The following TENM2 variants were observed in gnomAD, a reference collection of about 807,000 sequenced individuals.
The protein encoded by TENM2 is teneurin-2.
A neutral mutation model predicts 245.2 loss-of-function variants in TENM2; 52 were observed. The ratio of observed to expected loss-of-function variants is 0.21; its 90% CI spans 0.17 to 0.27. TENM2 has a LOEUF of 0.27. TENM2 is among the 10% of genes least tolerant of loss of function. The pLI is 1.00. For synonymous variants in TENM2, 1,363 were observed against 1,438.9 expected (o/e 0.95, Z 1.19); for missense variants, 3,046 against 3,666.8 (o/e 0.83, Z 4.37).
At chr5:167,272,763 A>G in the TENM2 span, among the ~76,000 whole-genome samples, 5 of 152,292 alleles carry the variant, frequency 3.3e-5, no homozygotes, top group African/African-American at 7.2e-5. Flanking sequence ...TACATCCTAA[A>G]GGTGCACAGT....
chr5:167,344,331 G>GATAT (rs60730616), intron 1 of TENM2, among the ~76,000 whole-genome samples: 9,508 of 102,430 alleles, frequency 0.093, 839 homozygotes, highest in Admixed American at 0.29. Context: ...TATATATATA[G>GATAT]ATATATTGCA....
At chr5:167,608,673 T>C (rs1233393154) in intron 2 of TENM2, among the ~76,000 whole-genome samples, 3 of 152,194 alleles carry the variant, frequency 2.0e-5, no homozygotes, top group Non-Finnish European at 4.4e-5. Context: ...GTAAGAGCGC[T>C]ACCTGTCATA....
chr5:167,150,888 A>G, the TENM2 span, among the ~76,000 whole-genome samples: 3 of 152,220 alleles, frequency 2.0e-5, no homozygotes, highest in Non-Finnish European at 4.4e-5. Context: ...CAAGAAAATG[A>G]TGGAGTGAGC....
chr5:167,432,432 A>G (rs929977258), intron 2 of TENM2, among the ~76,000 whole-genome samples: 1 of 151,856 alleles, frequency 6.6e-6, no homozygotes, highest in South Asian at 2.1e-4. Context: ...TCACAGTCAC[A>G]GAGTGAATCA....
intron 1 of TENM2, among the ~76,000 whole-genome samples, chr5:167,373,709 G>A (rs773316797): frequency 6.6e-6 from 1 of 152,228 alleles, no homozygotes; most frequent in South Asian, 2.1e-4. Flanking sequence ...AGCAGCACAA[G>A]TTGGGAGTCT....
chr5:167,104,230 C>T, the TENM2 span, among the ~76,000 whole-genome samples: 3 of 151,788 alleles, frequency 2.0e-5, no homozygotes, highest in South Asian at 2.1e-4. Context: ...TGCTACTTGG[C>T]GGGTACTCAT....
chr5:167,897,104 T>C (rs1775285216), intron 3 of TENM2, among the ~76,000 whole-genome samples: 1 of 152,212 alleles, frequency 6.6e-6, no homozygotes, highest in African/African-American at 2.4e-5. Flanking sequence ...AGAAGCCCTG[T>C]TCCATTCTCC....
chr5:167,123,732 G>T, the TENM2 span, among the ~76,000 whole-genome samples: 2 of 152,068 alleles, frequency 1.3e-5, no homozygotes, highest in Non-Finnish European at 2.9e-5. Flanking sequence ...CTCCTCAAAA[G>T]TAGATAAATG....
In TENM2 at chr5:167,391,363, C is replaced by T. The variant is rs1050603148; in HGVS notation, c.502+15890C>T. Among the ~76,000 whole-genome samples, 4 of 152,064 alleles carry T rather than the reference C, an allele frequency of 2.6e-5. No homozygotes were observed. The South Asian group carries it at 6.2e-4, about 24-fold the overall frequency. On this transcript the variant is annotated intron_variant, in intron 2 of 28. Transcript: ENST00000518659. ...GCTCTTGGGTGGGCATAGTGGCTCA[C>T]GTGTGTAATCCCAGCATTTTGGGAG...
chr5:168,235,189 A>G (rs1765316576), intron 25 of TENM2, among the ~76,000 whole-genome samples: 1 of 152,172 alleles, frequency 6.6e-6, no homozygotes, highest in African/African-American at 2.4e-5. Flanking sequence ...TCACGTGACT[A>G]ATATTTTATA....
At chr5:167,596,427 T>C in intron 2 of TENM2, among the ~76,000 whole-genome samples, 1 of 152,136 alleles carries the variant, frequency 6.6e-6, no homozygotes, top group East Asian at 1.9e-4. Context: ...TTGAGCCAAT[T>C]CCCATTAATC....
the TENM2 span, among the ~76,000 whole-genome samples, chr5:167,127,788 C>A: frequency 6.6e-6 from 1 of 151,976 alleles, no homozygotes; most frequent in Non-Finnish European, 1.5e-5. Flanking sequence ...TTTTGTTCAA[C>A]AAAGCAATGA....
chr5:168,040,051 G>C (rs1419108842), intron 5 of TENM2, among the ~76,000 whole-genome samples: 1 of 152,140 alleles, frequency 6.6e-6, no homozygotes, highest in African/African-American at 2.4e-5. Flanking sequence ...TAATTCTCTG[G>C]TCTTTCCCTG....
At chr5:167,374,814 G>A (rs1451196904) in intron 1 of TENM2, among the ~76,000 whole-genome samples, 1 of 152,022 alleles carries the variant, frequency 6.6e-6, no homozygotes, top group African/African-American at 2.4e-5. Context: ...TCTTCATAAA[G>A]TTGCAAAACA....
At chr5:168,093,627 T>A (rs1384771369) in intron 8 of TENM2, among the ~76,000 whole-genome samples, 1 of 152,144 alleles carries the variant, frequency 6.6e-6, no homozygotes, top group Non-Finnish European at 1.5e-5. Context: ...GCAGCCTGCT[T>A]TCAGAAACAA....
the TENM2 span, among the ~76,000 whole-genome samples, chr5:167,239,822 G>C: frequency 3.3e-5 from 5 of 152,074 alleles, no homozygotes; most frequent in African/African-American, 1.2e-4. Flanking sequence ...GCCCAGGCTG[G>C]AGTGCAATGG....
chr5:166,999,526 G>A, the TENM2 span, among the ~76,000 whole-genome samples: 3 of 152,102 alleles, frequency 2.0e-5, no homozygotes, highest in Non-Finnish European at 4.4e-5. Context: ...TTTGTTGAAA[G>A]ATGCTGAGCC....
intron 5 of TENM2, among the ~76,000 whole-genome samples, chr5:168,032,691 C>CT (rs1224384948): frequency 1.3e-5 from 2 of 152,080 alleles, no homozygotes; most frequent in East Asian, 1.9e-4. Flanking sequence ...TTGTGTCTTG[C>CT]TTTTTTTACA....
chr5:168,078,080 C>G (rs1791641142), intron 7 of TENM2, among the ~76,000 whole-genome samples: 2 of 152,178 alleles, frequency 1.3e-5, no homozygotes, highest in South Asian at 4.1e-4. Flanking sequence ...CACAGCCTCT[C>G]CAGCACCCGT....
Sources: allele counts gnomAD v4.1 joint callset (sites outside exome capture counted in the v4.1 genomes callset), GRCh38; gene constraint gnomAD v4.1.1; transcripts MANE v1.5; gene names NCBI Gene and HGNC (gene_info 2026-07-23, HGNC 2026-07-21).